Variants in ACADM observed in about 807,000 individuals in gnomAD.
ACADM encodes acyl-CoA dehydrogenase medium chain, also known as medium-chain specific acyl-CoA dehydrogenase, mitochondrial.
ACADM carries 49 observed loss-of-function variants against 58.9 expected under a neutral mutation model. That is an observed-to-expected ratio of 0.83 (90% CI 0.66 to 1.06). ACADM has a LOEUF of 1.06. Among genes scored for constraint, ACADM ranks in the 50% least tolerant of loss-of-function variants. ACADM has a pLI of 0.00. For synonymous variants in ACADM, 160 were observed against 157.7 expected (o/e 1.01, Z -0.11); for missense variants, 496 against 507.0 (o/e 0.98, Z 0.21).
intron 10 of ACADM, among the ~76,000 whole-genome samples, chr1:75,758,478 C>T (rs1648632620): frequency 6.6e-6 from 1 of 152,180 alleles, no homozygotes; most frequent in Non-Finnish European, 1.5e-5. Flanking sequence ...CTGTAGGAAC[C>T]TCTGGAAGCT....
intron 10 of ACADM, chr1:75,750,776 T>C (rs1648156256): frequency 3.8e-5 from 19 of 496,502 alleles, no homozygotes; most frequent in East Asian, 7.4e-5. Context: ...TGAGATGGAG[T>C]CTCGCTCTGT....
At chr1:75,737,279 AATATATATATATATATAT>A (rs368688785) in intron 6 of ACADM, among the ~76,000 whole-genome samples, 594 of 43,120 alleles carry the variant, frequency 0.014, 29 homozygotes, top group East Asian at 0.015. Context: ...CACACACACA[AATATATATATATATATAT>A]ATATATATAT....
Position 75,763,270 on chromosome 1 carries a change from A to G in ACADM, c.*507A>G, listed in dbSNP as rs1648947772. ...GCACAGAAACAGTCAAAATTTTGAC[A>G]TTCATATTCTCCTATTTTACAGCTA... On this transcript the variant is annotated 3_prime_UTR_variant, in exon 12 of 12. Transcript: ENST00000370841. 1 of 152,254 alleles carries G rather than the reference A, an allele frequency of 6.6e-6. No homozygotes were observed. Among genetic ancestry groups the G allele is most frequent in the African/African-American group, 2.4e-5 (1 of 41,458 alleles). The allele number at this position is 152,254 out of a possible 1,614,324, so 9.4% of individuals were successfully genotyped here. A position where few individuals can be genotyped will look rare whatever the true frequency, so the allele number is the denominator to read the frequency against.
chr1:75,757,292 T>A (rs1459055058), intron 10 of ACADM, among the ~76,000 whole-genome samples: 1 of 151,950 alleles, frequency 6.6e-6, no homozygotes, highest in Non-Finnish European at 1.5e-5. Context: ...TGGGAGAAAA[T>A]TTTTATAATC....
At position 75,728,467 on chromosome 1, in the gene ACADM, C is replaced by A; in HGVS notation, c.97C>A (p.Pro33Thr). The stretch of plus-strand genomic sequence containing the variant: ...TACAAAAGCCAATCGACAACGTGAA[C>A]CAGGATTAGGATTTAGTTTTGGTAT... ...QHTKANRQRE[P>T]GLGFSFEFTE... is the part of the protein sequence containing the mutation. The change falls in exon 2 of 12, where the codon CCA becomes ACA. Residue 33 changes from proline (P) to threonine (T), a missense_variant. Transcript: ENST00000370841. 6.2e-7 allele frequency: 1 copy of A among 1,613,188 alleles called. No individual in the cohort carries two copies. The highest frequency in any genetic ancestry group is 8.5e-7 in the Non-Finnish European group (1 of 1,179,340).
intron 10 of ACADM, among the ~76,000 whole-genome samples, chr1:75,760,347 G>C (rs866199213): frequency 1.1e-4 from 16 of 149,126 alleles, no homozygotes; most frequent in African/African-American, 3.4e-4. Context: ...GCTTGAACCT[G>C]GGGGGCAGAG....
Position 75,762,903 on chromosome 1 carries a change from T to G in ACADM, c.*140T>G. The G allele has an allele frequency of 1.6e-6, 1 of 606,764 alleles. No homozygotes were observed. Among genetic ancestry groups the G allele is most frequent in the South Asian group, 2.0e-5 (1 of 49,516 alleles). 37.6% of individuals were successfully genotyped at this position (606,764 alleles called of 1,614,324 possible). The stretch of plus-strand genomic sequence containing the variant: ...CTAAGCAACTGCTTATTATAGTAGT[T>G]TATACTTTTGCTTAACTCTGTTATG... On this transcript the variant is annotated 3_prime_UTR_variant, in exon 12 of 12. Coordinates refer to ENST00000370841, the MANE Select transcript of ACADM (RefSeq NM_000016.6).
At chr1:75,735,509 T>C (rs1205827499) in intron 6 of ACADM, among the ~76,000 whole-genome samples, 2 of 152,058 alleles carry the variant, frequency 1.3e-5, no homozygotes, top group Non-Finnish European at 2.9e-5. Context: ...GAAGTTCAGA[T>C]TGAATGTAGG....
Position 75,753,941 on chromosome 1 carries a change from G to T in ACADM, c.945+3395G>T, listed in dbSNP as rs117870846. Among the ~76,000 whole-genome samples the T allele has an allele frequency of 1.5e-3, 226 of 146,266 alleles. 10 individuals are homozygous for T. In the East Asian group the frequency reaches 0.041, roughly 27 times the overall value. On this transcript the variant is annotated intron_variant, in intron 10 of 11. Coordinates refer to ENST00000370841, the MANE Select transcript of ACADM (RefSeq NM_000016.6). ...CTCCTGAGTAGCTGGAACTATAGGTGTGAGCCACCATGCTCAGCTTTTTTT... is the reference window on the plus strand; with the variant it reads ...CTCCTGAGTAGCTGGAACTATAGGTTTGAGCCACCATGCTCAGCTTTTTTT...
In ACADM at chr1:75,762,722, CTT is replaced by C; in HGVS notation, c.1226_1227del (p.Leu409HisfsTer5). On this transcript the variant is annotated frameshift_variant, in exon 12 of 12. Coordinates refer to ENST00000370841, the MANE Select transcript of ACADM (RefSeq NM_000016.6). LOFTEE classifies it high-confidence loss of function. ...TGAAGGTACTTCACAAATTCAAAGA[CTT>C]ATTGTAGCCCGTGAACACATTGACA... ...IYEGTSQIQRLIVAREHIDKY... is the reference protein window; with the variant it reads ...IYEGTSQIQRXIVAREHIDKY... 6.2e-7 allele frequency: 1 copy of C among 1,608,102 alleles called. No individual in the cohort carries two copies. The highest frequency in any genetic ancestry group is 8.5e-7 in the Non-Finnish European group (1 of 1,174,950).
At position 75,728,686 on chromosome 1, in the gene ACADM, A is replaced by G. The variant is rs1295583395; in HGVS notation, c.118+198A>G. Among the ~76,000 whole-genome samples the G allele has an allele frequency of 2.6e-5, 4 of 152,192 alleles. No individual in the cohort carries two copies. In the South Asian group the frequency reaches 6.2e-4, roughly 24 times the overall value. ...TCTTCCTCAGTATACTACACTGTAC[A>G]TTAGATCTGTTTTAGCAGCATACAT... On this transcript the variant is annotated intron_variant, in intron 2 of 11. Coordinates refer to ENST00000370841, the MANE Select transcript of ACADM (RefSeq NM_000016.6).
intron 10 of ACADM, among the ~76,000 whole-genome samples, chr1:75,760,262 T>TAAAA (rs1648753377): frequency 5.2e-5 from 1 of 19,050 alleles, no homozygotes; most frequent in South Asian, 2.1e-3. Flanking sequence ...CTACTAAAAA[T>TAAAA]ACAAAAAAAA....
At chr1:75,737,277 CAAATATATATATATATATATAT>C (rs1647302232) in intron 6 of ACADM, among the ~76,000 whole-genome samples, 1 of 64,954 alleles carries the variant, frequency 1.5e-5, no homozygotes, top group East Asian at 4.4e-4. Flanking sequence ...CACACACACA[CAAATATATATATATATATATAT>C]ATATATATAT....
intron 7 of ACADM, chr1:75,744,158 A>G (rs879174659): frequency 6.4e-7 from 1 of 1,574,114 alleles, no homozygotes; most frequent in Non-Finnish European, 8.7e-7. Flanking sequence ...TAGTGGTGGG[A>G]CAGCAGTGGG....
At chr1:75,737,159 A>G (rs1199538216) in intron 6 of ACADM, among the ~76,000 whole-genome samples, 3 of 150,462 alleles carry the variant, frequency 2.0e-5, no homozygotes, top group African/African-American at 7.3e-5. Flanking sequence ...CAGGCCAGGC[A>G]TGGTGGCTCA....
chr1:75,728,575 T>A, intron 2 of ACADM, 87 bp downstream of exon 2: 2 of 1,012,996 alleles, frequency 2.0e-6, no homozygotes, highest in Non-Finnish European at 3.1e-6. Flanking sequence ...TAAATAAACT[T>A]AATAATGTCT....
intron 4 of ACADM, chr1:75,733,257 A>T: frequency 6.9e-7 from 1 of 1,451,064 alleles, no homozygotes; most frequent in Non-Finnish European, 9.2e-7. Context: ...CCTCAGACCC[A>T]GTTTTAGAGT....
At chr1:75,762,019 C>T (rs564744130) in intron 11 of ACADM, among the ~76,000 whole-genome samples, 5 of 152,338 alleles carry the variant, frequency 3.3e-5, no homozygotes, top group South Asian at 4.1e-4. Flanking sequence ...GAATGTTACA[C>T]GTAGTGCAGC....
At chr1:75,727,617 G>A (rs1647076493) in intron 1 of ACADM, among the ~76,000 whole-genome samples, 1 of 152,144 alleles carries the variant, frequency 6.6e-6, no homozygotes, top group Admixed American at 6.5e-5. Flanking sequence ...TTCTTTATAT[G>A]TTCCTTTGAA....
Sources: gnomAD v4.1 joint callset for allele counts (sites outside exome capture counted in the v4.1 genomes callset) on GRCh38, gnomAD v4.1.1 for gene constraint, MANE v1.5 for transcripts, NCBI Gene and HGNC (gene_info 2026-07-23, HGNC 2026-07-21) for gene names.